Variants in NTM observed in about 807,000 individuals in gnomAD.
The protein encoded by NTM is neurotrimin.
In NTM, 13 loss-of-function variants were observed where a neutral mutation model predicts 42.1. The observed-to-expected ratio is 0.31, with a 90% CI of 0.20 to 0.49. The LOEUF (loss-of-function observed/expected upper bound fraction) is 0.49. Ranked by LOEUF, NTM falls within the 20% of genes least tolerant of loss-of-function variation. The pLI is 0.99. For missense variants in NTM, 373 were observed against 452.8 expected (o/e 0.82, Z 1.60); for synonymous variants, 187 against 179.2 (o/e 1.04, Z -0.35).
At chr11:131,434,502 T>A (rs1184482474) in intron 1 of NTM, among the ~76,000 whole-genome samples, 1 of 152,244 alleles carries the variant, frequency 6.6e-6, no homozygotes, top group African/African-American at 2.4e-5. Context: ...AGATAGTATC[T>A]CATTGTGGTT....
At chr11:131,597,369 C>T (rs1037573082) in intron 1 of NTM, among the ~76,000 whole-genome samples, 1 of 152,150 alleles carries the variant, frequency 6.6e-6, no homozygotes, top group Non-Finnish European at 1.5e-5. Context: ...CTCACCCTGC[C>T]TCCACTTGCG....
At chr11:131,591,487 G>C (rs1483011373) in intron 1 of NTM, among the ~76,000 whole-genome samples, 2 of 152,222 alleles carry the variant, frequency 1.3e-5, no homozygotes, top group Non-Finnish European at 2.9e-5. Context: ...AGCCTGCTGA[G>C]ATTCGTCCCA....
chr11:131,881,510 C>CACACACACCCA (rs67919649), intron 1 of NTM, among the ~76,000 whole-genome samples: 1 of 145,210 alleles, frequency 6.9e-6, no homozygotes, highest in African/African-American at 2.6e-5. Context: ...ACACACACAC[C>CACACACACCCA]CCCCAAAGCT....
At chr11:131,504,131 C>T (rs1443410416) in intron 1 of NTM, among the ~76,000 whole-genome samples, 2 of 152,172 alleles carry the variant, frequency 1.3e-5, no homozygotes, top group Admixed American at 6.5e-5. Flanking sequence ...TGCTTCTGGA[C>T]ACTGTGGCTT....
intron 2 of NTM, among the ~76,000 whole-genome samples, chr11:131,921,898 A>G (rs529006): frequency 0.58 from 88,122 of 151,516 alleles, 26,252 homozygotes; most frequent in East Asian, 0.99. Context: ...CCCCAGGGCC[A>G]TGCATCGTTT....
At chr11:131,911,670 G>T in intron 2 of NTM, 22 bp downstream of exon 2, 1 of 1,613,940 alleles carries the variant, frequency 6.2e-7, no homozygotes, top group Non-Finnish European at 8.5e-7. Flanking sequence ...ACATTGTTCT[G>T]CGAACTGATG....
chr11:132,194,224 T>G, intron 3 of NTM, among the ~76,000 whole-genome samples: 1 of 152,034 alleles, frequency 6.6e-6, no homozygotes, highest in Non-Finnish European at 1.5e-5. Context: ...CTCAGCAAAA[T>G]ACTAGCAAAC....
At chr11:132,049,983 A>G (rs887039577) in intron 2 of NTM, among the ~76,000 whole-genome samples, 2 of 152,272 alleles carry the variant, frequency 1.3e-5, no homozygotes, top group African/African-American at 4.8e-5. Flanking sequence ...TGAAAGATGC[A>G]GTGTCTCTCT....
At chr11:132,205,840 A>T (rs1227865199) in intron 3 of NTM, among the ~76,000 whole-genome samples, 1 of 152,170 alleles carries the variant, frequency 6.6e-6, no homozygotes, top group Non-Finnish European at 1.5e-5. Flanking sequence ...ACATAATAGT[A>T]ATATTCTTCC....
chr11:131,874,030 A>ATATATATATATATATATATATAT (rs1555162935), intron 1 of NTM, among the ~76,000 whole-genome samples: 13 of 76,626 alleles, frequency 1.7e-4, no homozygotes, highest in Non-Finnish European at 3.8e-4. Context: ...AATATAATAT[A>ATATATATATATATATATATATAT]ATATATATAT....
At chr11:132,149,355 C>T (rs572056336) in intron 3 of NTM, among the ~76,000 whole-genome samples, 1 of 152,068 alleles carries the variant, frequency 6.6e-6, no homozygotes, top group East Asian at 1.9e-4. Flanking sequence ...CAGCCCTGAG[C>T]TTCTGGAATA....
chr11:131,840,584 T>C (rs2044105302), intron 1 of NTM, among the ~76,000 whole-genome samples: 1 of 152,300 alleles, frequency 6.6e-6, no homozygotes, highest in African/African-American at 2.4e-5. Flanking sequence ...TTGAAAACTT[T>C]CATGAGTTTT....
chr11:132,100,111 TG>T (rs2061457494), intron 2 of NTM, among the ~76,000 whole-genome samples: 1 of 152,242 alleles, frequency 6.6e-6, no homozygotes, highest in African/African-American at 2.4e-5. Context: ...TATTACACTA[TG>T]AGAGACCTTT....
rs137906210 is a variant in NTM, at chr11:131,680,134, C to G, written c.83-231430C>G. On this transcript the variant is annotated intron_variant, in intron 1 of 8. Transcript: ENST00000683400. ...ACAAAGACAGTCCAGGAGCCCTGAC[C>G]CCCCATCCTTCTCTGGTATTTACGT... 5.8e-3 allele frequency among the ~76,000 whole-genome samples: 869 copies of G among 150,332 alleles called. 6 individuals carry two copies. Among genetic ancestry groups the G allele is most frequent in the Middle Eastern group, 0.01 (3 of 294 alleles).
At chr11:131,822,303 C>A (rs1413737149) in intron 1 of NTM, among the ~76,000 whole-genome samples, 1 of 152,158 alleles carries the variant, frequency 6.6e-6, no homozygotes, top group East Asian at 1.9e-4. Flanking sequence ...CACAATTCAC[C>A]TGCTTGTCCC....
chr11:131,515,963 T>C (rs1293434104), intron 1 of NTM, among the ~76,000 whole-genome samples: 1 of 152,232 alleles, frequency 6.6e-6, no homozygotes, highest in African/African-American at 2.4e-5. Context: ...TGTGGACTTA[T>C]ATGGAATTAG....
intron 4 of NTM, among the ~76,000 whole-genome samples, chr11:132,275,725 C>T (rs1003671417): frequency 7.4e-5 from 5 of 67,606 alleles, no homozygotes; most frequent in African/African-American, 6.2e-5. Context: ...TATATATATA[C>T]GTATATATAC....
At chr11:131,580,847 T>A (rs1210407649) in intron 1 of NTM, among the ~76,000 whole-genome samples, 2 of 152,138 alleles carry the variant, frequency 1.3e-5, no homozygotes, top group Non-Finnish European at 2.9e-5. Context: ...TGTGTTTGGG[T>A]TCTTGTAGCT....
At chr11:131,705,386 A>G (rs1592637301) in intron 1 of NTM, among the ~76,000 whole-genome samples, 1 of 152,158 alleles carries the variant, frequency 6.6e-6, no homozygotes. Context: ...AAGCTATCCT[A>G]TACAAATGTA....
Sources: gnomAD v4.1 joint callset for allele counts (sites outside exome capture counted in the v4.1 genomes callset) on GRCh38, gnomAD v4.1.1 for gene constraint, MANE v1.5 for transcripts, NCBI Gene and HGNC (gene_info 2026-07-23, HGNC 2026-07-21) for gene names.